The following CDK10 variants were observed in gnomAD, a reference collection of about 807,000 sequenced individuals.
The protein encoded by CDK10 is cyclin dependent kinase 10, also known as cyclin-dependent kinase 10.
CDK10 carries 55 observed loss-of-function variants against 51.0 expected under a neutral mutation model. The observed-to-expected ratio is 1.08, with a 90% CI of 0.87 to 1.35. The LOEUF is 1.35. Among genes scored for constraint, CDK10 ranks in the 40% most tolerant of loss-of-function variants. The pLI is 0.00. For synonymous variants in CDK10, 255 were observed against 199.1 expected (o/e 1.28, Z -2.36); for missense variants, 589 against 485.1 (o/e 1.21, Z -2.01).
rs1225852747 is a variant in CDK10, at chr16:89,695,748, CTG to C, written c.*59_*60del. ...CACCAGGTCTTCCGATCAGTGGTGT[CTG>C]TGAAGGGTGCCGCGAGCCAGGCTGA... On this transcript the variant is annotated 3_prime_UTR_variant, in exon 13 of 13. Transcript: ENST00000353379. 4 of 1,590,802 alleles carry C rather than the reference CTG, an allele frequency of 2.5e-6. No homozygotes were observed. Among genetic ancestry groups the C allele is most frequent in the Non-Finnish European group, 1.7e-6 (2 of 1,171,316 alleles).
At position 89,692,528 on chromosome 16, in the gene CDK10, C is replaced by G. The variant is rs762481409; in HGVS notation, c.485+12C>G. On this transcript the variant is annotated intron_variant, in intron 6 of 12. Coordinates refer to ENST00000353379, the MANE Select transcript of CDK10 (RefSeq NM_052988.5). ...TTCATTATCCACAGGTGGGTGACAG[C>G]TAGGCAGAGTTGGAAGCACAAATTC... The G allele has an allele frequency of 2.5e-6, 4 of 1,572,318 alleles. No individual in the cohort carries two copies. The highest frequency in any genetic ancestry group is 3.5e-6 in the Non-Finnish European group (4 of 1,159,236).
At position 89,693,247 on chromosome 16, in the gene CDK10, C is replaced by A. The variant is rs373470074; in HGVS notation, c.486-27C>A. The A allele has an allele frequency of 1.1e-5, 18 of 1,613,172 alleles. No individual in the cohort carries two copies. In the Admixed American group the frequency reaches 1.5e-4, roughly 13 times the overall value. On this transcript the variant is annotated intron_variant, in intron 6 of 12. Transcript: ENST00000353379. ...CTCAGCCCCTGTGGCCCTCTGGGAG[C>A]CACCTGCCACTGTTTTTCCATCACA...
chr16:89,687,708 G>A (rs995695626), intron 1 of CDK10: 40 of 411,388 alleles, frequency 9.7e-5, no homozygotes, highest in Non-Finnish European at 1.6e-4. Flanking sequence ...AATTACAGGC[G>A]TGAGCCACCG....
At chr16:89,694,893 G>A in intron 10 of CDK10, 38 bp from the exon 11 acceptor site, 1 of 1,393,534 alleles carries the variant, frequency 7.2e-7, no homozygotes, top group East Asian at 2.3e-5. Context: ...CCCCGCCCGT[G>A]CCCACGCCCT....
Position 89,695,042 on chromosome 16 carries a change from T to G in CDK10, c.904T>G (p.Phe302Val). The G allele has an allele frequency of 6.2e-7, 1 of 1,613,152 alleles. No homozygotes were observed. The highest frequency in any genetic ancestry group is 8.5e-7 in the Non-Finnish European group (1 of 1,180,010). ...LSEAGLRLLH[F>V]LFMYDPKKRA... ...GGAGGCCGGGCTGCGCCTGCTGCAC[T>G]TCCTGTTCATGTACGACCCTAAGAA... The change falls in exon 11 of 13, where the codon TTC becomes GTC. Residue 302 changes from phenylalanine (F) to valine (V), a missense_variant. Coordinates refer to ENST00000353379, the MANE Select transcript of CDK10 (RefSeq NM_052988.5).
chr16:89,686,881 G>A, intron 1 of CDK10, 84 bp downstream of exon 1: 3 of 1,193,110 alleles, frequency 2.5e-6, no homozygotes, highest in Non-Finnish European at 3.6e-6. Flanking sequence ...GTGTCGCGCT[G>A]CCGCGCCGAG....
intron 8 of CDK10, 125 bp from the exon 9 acceptor site, chr16:89,694,048 A>G (rs2060578631): frequency 2.3e-6 from 2 of 886,326 alleles, no homozygotes; most frequent in Non-Finnish European, 3.7e-6. Flanking sequence ...GGCCTGGGGC[A>G]GAGGGTGGTC....
chr16:89,693,022 C>T (rs573127260), intron 6 of CDK10, among the ~76,000 whole-genome samples: 6 of 151,450 alleles, frequency 4.0e-5, no homozygotes, highest in African/African-American at 1.5e-4. Context: ...CCTGTAGTCC[C>T]AGCTACTTGG....
rs752968620 is a variant in CDK10 at position 89,691,457 on chromosome 16, A to G, written c.247A>G (p.Ser83Gly). Residue 83 changes from serine to glycine, a missense_variant, in exon 4 of 13, where the codon AGC becomes GGC. By Grantham distance (56) the Ser-to-Gly change is moderately conservative. Coordinates refer to ENST00000353379, the MANE Select transcript of CDK10 (RefSeq NM_052988.5). ...DKEKDGIPISSLREITLLLRL... is the reference protein window; with the variant it reads ...DKEKDGIPISGLREITLLLRL... ...TCCCTCCCCAGGCATCCCCATCAGC[A>G]GCTTGCGGGAGATCACGCTGCTGCT... 17 of 1,610,582 alleles carry G rather than the reference A, an allele frequency of 1.1e-5. No homozygotes were observed. The highest frequency in any genetic ancestry group is 1.4e-5 in the Non-Finnish European group (16 of 1,178,194).
intron 3 of CDK10, 23 bp downstream of exon 3, chr16:89,690,647 G>C (rs761730409): frequency 6.3e-7 from 1 of 1,597,014 alleles, no homozygotes; most frequent in Non-Finnish European, 8.6e-7. Context: ...TTGGGGTGTT[G>C]GGACCTCGCA....
Position 89,695,041 on chromosome 16 carries a change from C to A in CDK10, c.903C>A (p.His301Gln). The change falls in exon 11 of 13, where the codon CAC becomes CAA. Residue 301 changes from histidine to glutamine, a missense_variant. His to Gln is a conservative substitution (Grantham distance 24). Coordinates refer to ENST00000353379, the MANE Select transcript of CDK10 (RefSeq NM_052988.5). ...CGGAGGCCGGGCTGCGCCTGCTGCACTTCCTGTTCATGTACGACCCTAAGA... is the reference window on the plus strand; with the variant it reads ...CGGAGGCCGGGCTGCGCCTGCTGCAATTCCTGTTCATGTACGACCCTAAGA... ...WLSEAGLRLLHFLFMYDPKKR... is the reference protein window; with the variant it reads ...WLSEAGLRLLQFLFMYDPKKR... 1 of 1,613,194 alleles carries A rather than the reference C, an allele frequency of 6.2e-7. No homozygotes were observed. The highest frequency in any genetic ancestry group is 8.5e-7 in the Non-Finnish European group (1 of 1,180,016).
intron 2 of CDK10, 90 bp downstream of exon 2, chr16:89,689,414 G>C: frequency 9.0e-7 from 1 of 1,113,706 alleles, no homozygotes; most frequent in Non-Finnish European, 1.4e-6. Flanking sequence ...CGTTGGGGCT[G>C]GAAGGGACTC....
At chr16:89,689,988 C>T (rs2060369536) in intron 2 of CDK10, 1 of 153,524 alleles carries the variant, frequency 6.5e-6, no homozygotes, top group Admixed American at 6.4e-5. Flanking sequence ...CCGGCCAAGC[C>T]TAGGAGTTTG....
Position 89,693,436 on chromosome 16 carries a change from A to C in CDK10, c.577A>C (p.Lys193Gln). The C allele has an allele frequency of 6.2e-7, 1 of 1,614,146 alleles. No homozygotes were observed. Among genetic ancestry groups the C allele is most frequent in the Non-Finnish European group, 8.5e-7 (1 of 1,180,030 alleles). ...GGCCCGGGCCTATGGTGTCCCAGTA[A>C]AGCCAATGACCCCCAAGGTGGTCAC... ...GLARAYGVPV[K>Q]PMTPKVVTLW... Residue 193 changes from lysine (K) to glutamine (Q), a missense_variant, in exon 8 of 13, where the codon AAG (lysine) becomes CAG (glutamine). Lys to Gln is a moderately conservative substitution (Grantham distance 53). Coordinates refer to ENST00000353379, the MANE Select transcript of CDK10 (RefSeq NM_052988.5).
intron 9 of CDK10, 150 bp downstream of exon 9, chr16:89,694,382 C>G (rs1424392681): frequency 1.1e-6 from 1 of 937,702 alleles, no homozygotes; most frequent in South Asian, 1.5e-5. Flanking sequence ...GGGCCTGAGC[C>G]TGGAAACCCA....
chr16:89,691,904 C>T lies in CDK10; in HGVS notation c.417+17C>T, dbSNP rs753519911. 8.7e-6 allele frequency: 14 copies of T among 1,610,448 alleles called. No individual in the cohort carries two copies. Among genetic ancestry groups the T allele is most frequent in the Non-Finnish European group, 1.2e-5 (14 of 1,177,376 alleles). Reference sequence around the variant, plus strand: ...GAGGCTCAGGTGCGTGGCAGAGGGGCCTGGGGTGGGGGAATGGGCTTCATG... The same window carrying T: ...GAGGCTCAGGTGCGTGGCAGAGGGGTCTGGGGTGGGGGAATGGGCTTCATG... On this transcript the variant is annotated intron_variant, in intron 5 of 12. Transcript: ENST00000353379.
At chr16:89,688,211 A>T (rs957817978) in intron 1 of CDK10, among the ~76,000 whole-genome samples, 2 of 150,876 alleles carry the variant, frequency 1.3e-5, no homozygotes, top group African/African-American at 2.4e-5. Flanking sequence ...CCTCCCAAGC[A>T]GCTGGGACTA....
chr16:89,693,739 C>T lies in CDK10; in HGVS notation c.608+272C>T. Reference sequence around the variant, plus strand: ...GGAAACACCGTGGCCGTGAAACCATCTCTGGAGGGAAGGCTGCTTCACGGA... The same window carrying T: ...GGAAACACCGTGGCCGTGAAACCATTTCTGGAGGGAAGGCTGCTTCACGGA... On this transcript the variant is annotated intron_variant, in intron 8 of 12. Coordinates refer to ENST00000353379, the MANE Select transcript of CDK10 (RefSeq NM_052988.5). The T allele has an allele frequency of 8.8e-6, 5 of 569,184 alleles. No individual in the cohort carries two copies. In the South Asian group the frequency reaches 1.0e-4, roughly 12 times the overall value. 35.3% of individuals were successfully genotyped at this position (569,184 alleles called of 1,614,324 possible).
intron 6 of CDK10, among the ~76,000 whole-genome samples, chr16:89,693,054 C>T (rs1451510900): frequency 6.6e-5 from 10 of 151,252 alleles, no homozygotes; most frequent in Admixed American, 4.0e-4. Flanking sequence ...AGGAGAATGG[C>T]GTGAACCCGG....
Sources: allele counts gnomAD v4.1 joint callset (sites outside exome capture counted in the v4.1 genomes callset), GRCh38; gene constraint gnomAD v4.1.1; transcripts MANE v1.5; gene names NCBI Gene and HGNC (gene_info 2026-07-23, HGNC 2026-07-21).